Variants in PERM1 observed in about 807,000 individuals in gnomAD.
PERM1 encodes the protein PGC-1 and ERR-induced regulator in muscle protein 1.
In PERM1, 45 loss-of-function variants were observed where a neutral mutation model predicts 44.1. The ratio of observed to expected loss-of-function variants is 1.02; its 90% CI spans 0.80 to 1.31. The LOEUF is 1.31. PERM1 is among the 50% of genes most tolerant of loss of function. The pLI is 0.00. For missense variants in PERM1, 1,189 were observed against 1,106.9 expected (o/e 1.07, Z -1.05); for synonymous variants, 565 against 477.1 (o/e 1.18, Z -2.40).
At chr1:982,017 A>G (rs1330890099), upstream of PERM1, 2 of 1,282,208 alleles carry the variant, frequency 1.6e-6, no homozygotes, top group Admixed American at 4.6e-5. Context: ...GGGGGTTGTT[A>G]CCATTGGGGC....
At chr1:979,313 C>A in exon 1 of PERM1, 24 of 1,536,958 alleles carry the variant, frequency 1.6e-5, no homozygotes, top group Non-Finnish European at 2.0e-5. Context: ...AAGCTGCTCC[C>A]GGGCCCGACC....
Position 975,955 on chromosome 1 carries a change from C to T in PERM1, c.*217G>A. 5.5e-6 allele frequency: 3 copies of T among 546,894 alleles called. No individual in the cohort carries two copies. In the South Asian group the frequency reaches 7.5e-5, roughly 14 times the overall value. The allele number at this position is 546,894 out of a possible 1,614,324, so 33.9% of individuals were successfully genotyped here. A position where few individuals can be genotyped will look rare whatever the true frequency, so the allele number is the denominator to read the frequency against. On this transcript the variant is annotated 3_prime_UTR_variant, in exon 3 of 3. Transcript: ENST00000433179. ...CAGCCACCTGCCTGCCCTCCACCCA[C>T]CCAGACTTTAGCACCTCCCTCCCAG... is the stretch of plus-strand genomic sequence containing the variant.
At chr1:981,048 C>T, upstream of PERM1, 1 of 1,542,912 alleles carries the variant, frequency 6.5e-7, no homozygotes, top group African/African-American at 1.4e-5. Flanking sequence ...AGCAGAGGCA[C>T]TGGAGGGTAG....
rs1557656925 is a variant in PERM1 at position 976,629 on chromosome 1, G to A, written c.2150-5C>T. On this transcript the variant is annotated splice_polypyrimidine_tract_variant and splice_region_variant and intron_variant, in intron 1 of 2. Coordinates refer to ENST00000433179, the Ensembl canonical transcript of PERM1. ...GGACAGGCCCCCGGAGCTCCCCTAG[G>A]ACAGAAGCTCACCTTCAGCCCCACG... 3.9e-6 allele frequency: 6 copies of A among 1,549,058 alleles called. No homozygotes were observed. Among genetic ancestry groups the A allele is most frequent in the Non-Finnish European group, 5.2e-6 (6 of 1,146,152 alleles).
exon 1 of PERM1, chr1:979,499 G>T: frequency 1.9e-6 from 3 of 1,549,866 alleles, no homozygotes; most frequent in Non-Finnish European, 8.7e-7. Flanking sequence ...TTGGGGCTGG[G>T]CCCAGCCACG....
At chr1:979,508 C>T (rs375124931) in exon 1 of PERM1, 156 of 1,549,824 alleles carry the variant, frequency 1.0e-4, no homozygotes, top group East Asian at 2.2e-4. Context: ...GGCCCAGCCA[C>T]GGAGAAGCGC....
chr1:980,779 G>A (rs111400347), exon 1 of PERM1: 40 of 1,401,044 alleles, frequency 2.9e-5, no homozygotes, highest in Admixed American at 1.0e-4. Flanking sequence ...CCTGCTGACC[G>A]GCTGCTGTGT....
upstream of PERM1, chr1:981,242 C>T (rs2100508014): frequency 6.7e-7 from 1 of 1,484,510 alleles, no homozygotes. Context: ...TGACGATTTC[C>T]AAGTTAGAAG....
rs1458099094 is a variant in PERM1 at position 979,697 on chromosome 1, CA to C, written c.1332del (p.Val445CysfsTer123). On this transcript the variant is annotated frameshift_variant, in exon 1 of 3. Transcript: ENST00000433179. LOFTEE classifies it high-confidence loss of function. ...TCGGCTCTGGGAACAGGTGTAGACA[CA>C]AGCCCGCTGGACTCGGTCATCCTCG... The C allele has an allele frequency of 6.5e-7, 1 of 1,550,198 alleles. No homozygotes were observed. Among genetic ancestry groups the C allele is most frequent in the Non-Finnish European group, 8.7e-7 (1 of 1,146,944 alleles).
chr1:979,186 A>C, exon 1 of PERM1: 1 of 1,549,966 alleles, frequency 6.5e-7, no homozygotes, highest in Non-Finnish European at 8.7e-7. Context: ...GAACTCGCAC[A>C]TGTCCGGCCA....
In PERM1 at chr1:976,283, ACAGGCT is replaced by A. The variant is rs974168727; in HGVS notation, c.2276-20_2276-15del. The A allele has an allele frequency of 8.1e-5, 122 of 1,498,680 alleles. No homozygotes were observed. Among genetic ancestry groups the A allele is most frequent in the Non-Finnish European group, 1.1e-4 (118 of 1,123,134 alleles). 92.8% of individuals were successfully genotyped at this position (1,498,680 alleles called of 1,614,324 possible). ...TGGCCAGCAAGGCTGCAAGAGAAGC[ACAGGCT>A]CTTCTGAGGGCCAGCCTGGCTGTCG... On this transcript the variant is annotated splice_polypyrimidine_tract_variant and intron_variant, in intron 2 of 2. Transcript: ENST00000433179.
exon 3 of PERM1, chr1:975,856 C>T (rs190126715): frequency 1.5e-5 from 5 of 344,474 alleles, no homozygotes; most frequent in African/African-American, 6.4e-5. Context: ...GTAAAATGAC[C>T]TCCCCACTAT....
exon 3 of PERM1, chr1:975,581 G>C (rs569584405): frequency 1.3e-5 from 2 of 152,744 alleles, no homozygotes; most frequent in East Asian, 1.9e-4. Context: ...GCCCGCAGAG[G>C]CCTTGGCCAC....
exon 1 of PERM1, chr1:978,907 C>G: frequency 1.3e-6 from 2 of 1,499,740 alleles, no homozygotes; most frequent in Non-Finnish European, 1.8e-6. Context: ...CAGGTGGAGC[C>G]GCTCTACCAC....
upstream of PERM1, among the ~76,000 whole-genome samples, chr1:981,806 C>T (rs1056767992): frequency 2.0e-5 from 3 of 152,244 alleles, no homozygotes; most frequent in African/African-American, 4.8e-5. Context: ...TCCTTTGCCC[C>T]GTCTCAGAGA....
chr1:981,942 A>G, upstream of PERM1: 2 of 786,376 alleles, frequency 2.5e-6, no homozygotes, highest in South Asian at 1.7e-5. Context: ...GACGGAGGCC[A>G]GGGCATGGTG....
At chr1:979,324 C>T (rs949997812) in exon 1 of PERM1, 1 of 1,530,350 alleles carries the variant, frequency 6.5e-7, no homozygotes. Context: ...GGGCCCGACC[C>T]TCGTCACGGC....
upstream of PERM1, chr1:981,068 T>C (rs1330302327): frequency 6.5e-7 from 1 of 1,545,776 alleles, no homozygotes. Flanking sequence ...GCAGAATGGG[T>C]CCGGTGGGGT....
chr1:979,313 C>G lies in PERM1; in HGVS notation c.1717G>C (p.Gly573Arg), dbSNP rs536195330. 591 of 1,536,958 alleles carry G rather than the reference C, an allele frequency of 3.8e-4. 2 individuals carry two copies. The highest frequency in any genetic ancestry group is 1.3e-3 in the Admixed American group (67 of 49,674). Reference sequence around the variant, plus strand: ...GGGAGGGTCACGGCAAAGCTGCTCCCGGGCCCGACCCTCGTCACGGCAGAG... The same window carrying G: ...GGGAGGGTCACGGCAAAGCTGCTCCGGGGCCCGACCCTCGTCACGGCAGAG... Residue 573 changes from glycine (G) to arginine (R), a missense_variant, in exon 1 of 3, where the codon GGG becomes CGG. Gly to Arg is a moderately radical substitution (Grantham distance 125). This residue lies in a region of PERM1 where 900 missense variants were observed against 760.4 expected (regional missense o/e 1.18). Transcript: ENST00000433179.
Sources: gnomAD v4.1 joint callset for allele counts (sites outside exome capture counted in the v4.1 genomes callset) on GRCh38, gnomAD v4.1.1 for gene constraint, gnomAD v4.1.1 regional missense constraint, MANE v1.5 for transcripts, NCBI Gene and HGNC (gene_info 2026-07-23, HGNC 2026-07-21) for gene names.